AFF3: variants seen among roughly 807,000 people sequenced by gnomAD.
AFF3 encodes AF4/FMR2 family member 3.
A neutral mutation model predicts 129.7 loss-of-function variants in AFF3; 32 were observed. The ratio of observed to expected loss-of-function variants is 0.25; its 90% CI spans 0.19 to 0.33. The LOEUF (loss-of-function observed/expected upper bound fraction) is 0.33, where lower values mean the gene tolerates loss of function less well. Among genes scored for constraint, AFF3 ranks in the 10% least tolerant of loss-of-function variants. The probability of loss-of-function intolerance (pLI) is 1.00; values close to 1 mark genes in which losing one functional copy is unlikely to be tolerated. For missense variants in AFF3, 1,373 were observed against 1,592.0 expected, an observed-to-expected ratio of 0.86 and a Z score of 2.34; for synonymous variants, 644 against 635.4, an observed-to-expected ratio of 1.01 and a Z score of -0.20.
At chr2:99,648,546 T>C (rs1462045814) in intron 13 of AFF3, among the ~76,000 whole-genome samples, 1 of 152,072 alleles carries the variant, frequency 6.6e-6, no homozygotes, top group Non-Finnish European at 1.5e-5. Context: ...GCTTGTGTGG[T>C]TGTCATGGGG....
At chr2:100,076,626 AC>A (rs1481430016) in intron 4 of AFF3, among the ~76,000 whole-genome samples, 2 of 152,064 alleles carry the variant, frequency 1.3e-5, no homozygotes, top group South Asian at 2.1e-4. Flanking sequence ...ACTGAGGTTG[AC>A]TCCATTCGAG....
At chr2:99,746,676 C>T (rs1197718979) in intron 9 of AFF3, among the ~76,000 whole-genome samples, 2 of 152,122 alleles carry the variant, frequency 1.3e-5, no homozygotes, top group Admixed American at 1.3e-4. Flanking sequence ...TGATTTTGGC[C>T]TATTTTGGAT....
chr2:99,806,413 G>C (rs1313458958), intron 8 of AFF3, among the ~76,000 whole-genome samples: 1 of 152,168 alleles, frequency 6.6e-6, no homozygotes, highest in African/African-American at 2.4e-5. Context: ...GCCTAACACT[G>C]CAAATGCTCA....
intron 7 of AFF3, among the ~76,000 whole-genome samples, chr2:99,952,207 G>A (rs557649223): frequency 3.0e-4 from 46 of 152,184 alleles, no homozygotes; most frequent in Non-Finnish European, 5.3e-4. Context: ...ACAGTGAGTG[G>A]GTTATTGCAA....
chr2:99,874,235 C>T (rs1186099974), intron 7 of AFF3, among the ~76,000 whole-genome samples: 1 of 152,138 alleles, frequency 6.6e-6, no homozygotes, highest in Non-Finnish European at 1.5e-5. Flanking sequence ...GAGAACATTA[C>T]CTAGCCCACT....
chr2:100,053,107 G>T (rs1036883721), intron 4 of AFF3, among the ~76,000 whole-genome samples: 17 of 152,096 alleles, frequency 1.1e-4, no homozygotes, highest in African/African-American at 4.1e-4. Flanking sequence ...TAAAACAACA[G>T]GTAATCAAAA....
chr2:99,884,700 G>C (rs573250628), intron 7 of AFF3, among the ~76,000 whole-genome samples: 1 of 151,020 alleles, frequency 6.6e-6, no homozygotes, highest in East Asian at 1.9e-4. Flanking sequence ...CACTGCACCC[G>C]GCCTGCTTAT....
intron 5 of AFF3, 156 bp from the exon 6 acceptor site, chr2:100,007,616 C>A: frequency 1.4e-6 from 1 of 696,206 alleles, no homozygotes; most frequent in South Asian, 1.9e-5. Context: ...CTGAAGATGT[C>A]TGTCAGCACT....
At chr2:99,849,410 T>C (rs1272788930) in intron 7 of AFF3, among the ~76,000 whole-genome samples, 4 of 151,956 alleles carry the variant, frequency 2.6e-5, no homozygotes, top group African/African-American at 9.7e-5. Context: ...TCACCAGAGG[T>C]TGTGTGGCGC....
chr2:99,793,840 C>A (rs1685378753), intron 8 of AFF3, among the ~76,000 whole-genome samples: 1 of 152,092 alleles, frequency 6.6e-6, no homozygotes. Flanking sequence ...ACTCTTTGTA[C>A]TTGAGATTCT....
intron 4 of AFF3, among the ~76,000 whole-genome samples, chr2:100,074,042 C>A (rs13405901): frequency 6.6e-6 from 1 of 152,174 alleles, no homozygotes; most frequent in African/African-American, 2.4e-5. Flanking sequence ...AAACTGCGAA[C>A]GACCACCACC....
intron 14 of AFF3, among the ~76,000 whole-genome samples, chr2:99,597,107 C>A (rs1205450315): frequency 1.3e-5 from 2 of 152,140 alleles, no homozygotes; most frequent in African/African-American, 4.8e-5. Context: ...CTCAGAGAGG[C>A]TAAGGGACAT....
At chr2:99,859,764 C>T (rs1274448366) in intron 7 of AFF3, among the ~76,000 whole-genome samples, 1 of 152,136 alleles carries the variant, frequency 6.6e-6, no homozygotes, top group Non-Finnish European at 1.5e-5. Flanking sequence ...AAATTCTGAG[C>T]AAGCACCAGG....
chr2:100,075,996 G>A (rs2105327847), intron 4 of AFF3, among the ~76,000 whole-genome samples: 2 of 152,244 alleles, frequency 1.3e-5, no homozygotes, highest in Middle Eastern at 6.8e-3. Flanking sequence ...ATTCCAGGTA[G>A]TGTTAAATCT....
At chr2:100,131,555 G>A (rs1692430015) in intron 1 of AFF3, among the ~76,000 whole-genome samples, 1 of 152,114 alleles carries the variant, frequency 6.6e-6, no homozygotes, top group Non-Finnish European at 1.5e-5. Flanking sequence ...TGCCTCCCGG[G>A]TTCAAGTGAT....
chr2:99,743,917 G>A (rs941633333), intron 10 of AFF3, among the ~76,000 whole-genome samples, 187 bp downstream of exon 10: 1 of 152,006 alleles, frequency 6.6e-6, no homozygotes, highest in African/African-American at 2.4e-5. Flanking sequence ...CCTTGAATAT[G>A]CACACTTAAG....
intron 8 of AFF3, among the ~76,000 whole-genome samples, chr2:99,802,629 C>G (rs1273891036): frequency 3.3e-5 from 5 of 151,800 alleles, no homozygotes. Flanking sequence ...TGCCACTGCA[C>G]TCCAGCCTGG....
intron 7 of AFF3, among the ~76,000 whole-genome samples, chr2:99,927,570 C>T (rs1255207311): frequency 1.3e-5 from 2 of 151,782 alleles, no homozygotes; most frequent in Admixed American, 6.6e-5. Flanking sequence ...CACACTGGGG[C>T]CTTTCAGAGG....
At chr2:99,826,570 C>G (rs1688095603) in intron 8 of AFF3, among the ~76,000 whole-genome samples, 1 of 151,950 alleles carries the variant, frequency 6.6e-6, no homozygotes, top group African/African-American at 2.4e-5. Context: ...AATGTGTGGT[C>G]AGGGGTAGGC....
Sources: allele counts gnomAD v4.1 joint callset (sites outside exome capture counted in the v4.1 genomes callset), GRCh38; gene constraint gnomAD v4.1.1; transcripts MANE v1.5; gene names NCBI Gene and HGNC (gene_info 2026-07-23, HGNC 2026-07-21).